Variants in DPP6 observed in about 807,000 individuals in gnomAD.
DPP6 encodes the protein A-type potassium channel modulatory protein DPP6.
A neutral mutation model predicts 122.6 loss-of-function variants in DPP6; 69 were observed. The observed-to-expected ratio is 0.56, with a 90% CI of 0.46 to 0.69. The LOEUF (loss-of-function observed/expected upper bound fraction) is 0.69. Ranked by LOEUF, DPP6 falls within the 30% of genes least tolerant of loss-of-function variation. The pLI is 0.00. For missense variants in DPP6, 928 were observed against 1,116.9 expected, an observed-to-expected ratio of 0.83 and a Z score of 2.41; for synonymous variants, 418 against 433.1, an observed-to-expected ratio of 0.97 and a Z score of 0.43.
chr7:153,923,052 T>G (rs1800714974), intron 1 of DPP6, among the ~76,000 whole-genome samples: 1 of 152,202 alleles, frequency 6.6e-6, no homozygotes, highest in Non-Finnish European at 1.5e-5. Flanking sequence ...CAGAAGCAAA[T>G]GCAATGCTTG....
intron 1 of DPP6, among the ~76,000 whole-genome samples, chr7:154,263,902 G>A (rs1164374362): frequency 6.6e-6 from 1 of 152,020 alleles, no homozygotes. Context: ...TGTTTGCCAG[G>A]CTGGTCTTGA....
rs71532688 is a variant in DPP6 at position 154,132,285 on chromosome 7, C to T, written c.243+79222C>T. On this transcript the variant is annotated intron_variant, in intron 1 of 25. Transcript: ENST00000377770. ...TTTCCCTTGGCTCGCTAAATATATA[C>T]AAATCAAGAGAGGTTTTTGATGTCT... Among the ~76,000 whole-genome samples, 767 of 152,222 alleles carry T rather than the reference C, an allele frequency of 5.0e-3. 6 individuals are homozygous for T. The highest frequency in any genetic ancestry group is 0.018 in the African/African-American group (732 of 41,512).
At chr7:154,685,082 T>C (rs775546700) in intron 7 of DPP6, among the ~76,000 whole-genome samples, 2 of 152,100 alleles carry the variant, frequency 1.3e-5, no homozygotes, top group African/African-American at 2.4e-5. Context: ...TTACACAGAG[T>C]CAGCCGTCTC....
At chr7:153,815,048 C>T in the DPP6 span, among the ~76,000 whole-genome samples, 3 of 151,922 alleles carry the variant, frequency 2.0e-5, no homozygotes, top group Admixed American at 1.3e-4. Flanking sequence ...AAAACTGGCA[C>T]AAGACAGGGA....
intron 16 of DPP6, among the ~76,000 whole-genome samples, chr7:154,817,352 C>A (rs185377841): frequency 9.9e-4 from 151 of 151,978 alleles, no homozygotes; most frequent in Middle Eastern, 3.4e-3. Context: ...AAGTCGTAAG[C>A]GATTGATGGA....
At chr7:153,825,365 C>A in the DPP6 span, among the ~76,000 whole-genome samples, 1 of 152,038 alleles carries the variant, frequency 6.6e-6, no homozygotes, top group Non-Finnish European at 1.5e-5. Flanking sequence ...TATTCCCAAT[C>A]CCCTTTGAAG....
intron 7 of DPP6, among the ~76,000 whole-genome samples, chr7:154,678,910 G>T (rs182474633): frequency 2.0e-5 from 3 of 152,170 alleles, no homozygotes; most frequent in Non-Finnish European, 4.4e-5. Flanking sequence ...TAATCTACTC[G>T]AAGTACAGGC....
chr7:153,885,283 G>A (rs989327565), upstream of DPP6, among the ~76,000 whole-genome samples: 14 of 152,024 alleles, frequency 9.2e-5, no homozygotes, highest in African/African-American at 3.4e-4. Flanking sequence ...TGTACTCTAA[G>A]TGTTCCCTTC....
chr7:154,534,152 A>G (rs913065929), intron 3 of DPP6, among the ~76,000 whole-genome samples: 3 of 152,188 alleles, frequency 2.0e-5, no homozygotes, highest in African/African-American at 7.2e-5. Context: ...GATAATTGCA[A>G]TAGCTGCACA....
intron 1 of DPP6, among the ~76,000 whole-genome samples, chr7:154,267,362 T>C (rs978475005): frequency 4.6e-5 from 1 of 21,944 alleles, no homozygotes; most frequent in Non-Finnish European, 6.6e-5. Context: ...ATATTTACTG[T>C]AACAAATTAT....
At chr7:154,701,205 A>G (rs1195177615) in intron 7 of DPP6, among the ~76,000 whole-genome samples, 1 of 152,146 alleles carries the variant, frequency 6.6e-6, no homozygotes, top group African/African-American at 2.4e-5. Flanking sequence ...GAGCTCTTCC[A>G]GTCTTCCTGT....
the DPP6 span, among the ~76,000 whole-genome samples, chr7:153,853,015 G>A: frequency 6.6e-6 from 1 of 152,216 alleles, no homozygotes; most frequent in Non-Finnish European, 1.5e-5. Flanking sequence ...CCAGCCATTT[G>A]TACACAATGC....
At chr7:154,748,177 T>A (rs1843126877) in intron 8 of DPP6, among the ~76,000 whole-genome samples, 1 of 152,110 alleles carries the variant, frequency 6.6e-6, no homozygotes, top group Admixed American at 6.6e-5. Context: ...CAGAAAAGGG[T>A]GATGGGCATC....
At chr7:154,845,018 C>A (rs1388579306) in intron 16 of DPP6, among the ~76,000 whole-genome samples, 2 of 152,202 alleles carry the variant, frequency 1.3e-5, no homozygotes, top group Non-Finnish European at 2.9e-5. Flanking sequence ...AGACCACAGC[C>A]TGAATTAGAA....
At chr7:154,043,091 T>G (rs1396762292) in intron 1 of DPP6, among the ~76,000 whole-genome samples, 1 of 152,020 alleles carries the variant, frequency 6.6e-6, no homozygotes, top group Non-Finnish European at 1.5e-5. Flanking sequence ...AATCAGTAGA[T>G]TAAAAGTGAG....
the DPP6 span, among the ~76,000 whole-genome samples, chr7:153,817,984 A>C: frequency 2.0e-5 from 3 of 151,994 alleles, no homozygotes; most frequent in African/African-American, 4.8e-5. Flanking sequence ...AGGGTGAGTT[A>C]CATATGGGGA....
At chr7:153,898,754 G>A (rs561484428) in intron 1 of DPP6, among the ~76,000 whole-genome samples, 1 of 152,198 alleles carries the variant, frequency 6.6e-6, no homozygotes, top group Non-Finnish European at 1.5e-5. Context: ...GCAAACAGGG[G>A]CTATGAGAAA....
intron 7 of DPP6, among the ~76,000 whole-genome samples, chr7:154,673,625 G>A (rs150393348): frequency 4.6e-5 from 7 of 152,284 alleles, no homozygotes; most frequent in East Asian, 1.9e-4. Flanking sequence ...GCTTCCAAAC[G>A]TTTGCTGAGG....
intron 1 of DPP6, among the ~76,000 whole-genome samples, chr7:154,068,132 C>T (rs1479440004): frequency 6.6e-6 from 1 of 152,038 alleles, no homozygotes; most frequent in African/African-American, 2.4e-5. Context: ...GAGAGGTTAG[C>T]AGGGAAGGGG....
Sources: gnomAD v4.1 joint callset for allele counts (sites outside exome capture counted in the v4.1 genomes callset) on GRCh38, gnomAD v4.1.1 for gene constraint, MANE v1.5 for transcripts, NCBI Gene and HGNC (gene_info 2026-07-23, HGNC 2026-07-21) for gene names.